EIF4E3: variants seen among roughly 807,000 people sequenced by gnomAD.
EIF4E3 encodes the protein eukaryotic translation initiation factor 4E type 3.
Under a neutral mutation model 31.7 loss-of-function variants are expected in EIF4E3, and 26 were observed. The observed-to-expected ratio is 0.82, with a 90% CI of 0.60 to 1.14. The LOEUF is 1.14. Among genes scored for constraint, EIF4E3 ranks in the 50% most tolerant of loss-of-function variants. EIF4E3 has a pLI of 0.00. For missense variants in EIF4E3, 304 were observed against 270.9 expected (o/e 1.12, Z -0.86); for synonymous variants, 128 against 107.7 (o/e 1.19, Z -1.17).
Position 71,696,537 on chromosome 3 carries a change from C to G in EIF4E3, c.345-17G>C. 6.2e-7 allele frequency: 1 copy of G among 1,613,902 alleles called. No homozygotes were observed. The highest frequency in any genetic ancestry group is 8.5e-7 in the Non-Finnish European group (1 of 1,179,934). ...TCCTCTTCCCTGGGCCAAAGACCAA[C>G]GTTTAAAGTTACACTCAGGACTAAG... On this transcript the variant is annotated splice_polypyrimidine_tract_variant and intron_variant, in intron 3 of 6. Transcript: ENST00000425534.
At chr3:71,671,595 C>G (rs565187065), downstream of EIF4E3, among the ~76,000 whole-genome samples, 21 of 152,186 alleles carry the variant, frequency 1.4e-4, no homozygotes, top group East Asian at 3.5e-3. Flanking sequence ...AGAGATGGGC[C>G]CGTGTGACCC....
the EIF4E3 span, among the ~76,000 whole-genome samples, chr3:71,667,923 C>CA: frequency 6.6e-6 from 1 of 151,990 alleles, no homozygotes; most frequent in Non-Finnish European, 1.5e-5. Context: ...CATATGGAAC[C>CA]AAAAAAGAGC....
At chr3:71,750,765 G>GTTTT (rs200014881) in intron 1 of EIF4E3, among the ~76,000 whole-genome samples, 1 of 123,778 alleles carries the variant, frequency 8.1e-6, no homozygotes, top group Admixed American at 7.9e-5. Context: ...ACAAATAATT[G>GTTTT]GTTTTTTTTT....
At chr3:71,707,705 G>A (rs529886134) in intron 2 of EIF4E3, among the ~76,000 whole-genome samples, 6 of 151,788 alleles carry the variant, frequency 4.0e-5, no homozygotes, top group Non-Finnish European at 5.9e-5. Flanking sequence ...GGACTGCATG[G>A]ACATCTATGC....
rs11403409 is a variant in EIF4E3, at chr3:71,712,852, C to CAAAAAAA, written c.177-2375_177-2369dup. Among the ~76,000 whole-genome samples, 5 of 121,228 alleles carry CAAAAAAA rather than the reference C, an allele frequency of 4.1e-5. 1 individual carries two copies. The highest frequency in any genetic ancestry group is 6.7e-5 in the Non-Finnish European group (4 of 59,884). The allele number at this position is 121,228 out of a possible 152,430, so 79.5% of individuals were successfully genotyped here. A position where few individuals can be genotyped will look rare whatever the true frequency, so the allele number is the denominator to read the frequency against. The stretch of plus-strand genomic sequence containing the variant: ...GAGGATAATACCATTTAACCTAGAC[C>CAAAAAAA]AAAAAAAAAAAAAAAAAAAGCACTG... On this transcript the variant is annotated intron_variant, in intron 1 of 6. Transcript: ENST00000425534.
At chr3:71,715,528 T>G (rs1006248542) in intron 1 of EIF4E3, among the ~76,000 whole-genome samples, 16 of 152,196 alleles carry the variant, frequency 1.1e-4, no homozygotes, top group African/African-American at 3.9e-4. Context: ...GGAACATACA[T>G]GCTGATAATG....
chr3:71,708,802 C>T (rs905168873), intron 2 of EIF4E3, among the ~76,000 whole-genome samples: 19 of 152,184 alleles, frequency 1.2e-4, no homozygotes, highest in South Asian at 2.1e-4. Context: ...ACAGAAGAGA[C>T]GTGCAGGGAG....
Position 71,679,594 on chromosome 3 carries a change from C to T in EIF4E3, c.*5088G>A, listed in dbSNP as rs2048900071. 6.6e-6 allele frequency: 1 copy of T among 152,166 alleles called. No individual in the cohort carries two copies. The highest frequency in any genetic ancestry group is 6.5e-5 in the Admixed American group (1 of 15,274). 9.4% of individuals were successfully genotyped at this position (152,166 alleles called of 1,614,324 possible). On this transcript the variant is annotated 3_prime_UTR_variant, in exon 7 of 7. Coordinates refer to ENST00000425534, the MANE Select transcript of EIF4E3 (RefSeq NM_001134651.2). ...CTCAAGACACACATATACAATGGAA[C>T]TCTGAATTTCAGTAGCAATGATGAA...
intron 1 of EIF4E3, among the ~76,000 whole-genome samples, chr3:71,713,685 C>T (rs926971682): frequency 2.0e-5 from 3 of 152,188 alleles, no homozygotes; most frequent in African/African-American, 7.2e-5. Flanking sequence ...GATCCCACTG[C>T]TTTAGCCTCC....
At chr3:71,730,754 A>G (rs931561391) in intron 1 of EIF4E3, among the ~76,000 whole-genome samples, 1 of 151,794 alleles carries the variant, frequency 6.6e-6, no homozygotes, top group Non-Finnish European at 1.5e-5. Flanking sequence ...TTTTTGAGAC[A>G]GAGTCTTGCT....
At chr3:71,692,679 T>C (rs2049079828) in intron 5 of EIF4E3, among the ~76,000 whole-genome samples, 1 of 151,888 alleles carries the variant, frequency 6.6e-6, no homozygotes, top group Non-Finnish European at 1.5e-5. Flanking sequence ...TTGCAGCCTC[T>C]ATCTCCTGGG....
chr3:71,753,898 C>T, upstream of EIF4E3: 4 of 922,994 alleles, frequency 4.3e-6, no homozygotes, highest in Non-Finnish European at 5.2e-6. Context: ...CTCGGGGAGC[C>T]CAGGAGGGGC....
chr3:71,733,519 A>T (rs1392239209), intron 1 of EIF4E3, among the ~76,000 whole-genome samples: 1 of 152,234 alleles, frequency 6.6e-6, no homozygotes, highest in Non-Finnish European at 1.5e-5. Flanking sequence ...TGATACAGAA[A>T]ATATAAGCTG....
intron 2 of EIF4E3, among the ~76,000 whole-genome samples, chr3:71,706,492 A>G (rs932729006): frequency 6.6e-6 from 1 of 152,134 alleles, no homozygotes; most frequent in African/African-American, 2.4e-5. Flanking sequence ...TTGGAGAAGC[A>G]GTTTTTTTTA....
chr3:71,668,067 T>C, the EIF4E3 span, among the ~76,000 whole-genome samples: 3 of 152,060 alleles, frequency 2.0e-5, no homozygotes, highest in Non-Finnish European at 4.4e-5. Flanking sequence ...TATAGACCAA[T>C]GGAACAGAAC....
chr3:71,687,265 G>A (rs949983181), intron 6 of EIF4E3, among the ~76,000 whole-genome samples: 3 of 152,130 alleles, frequency 2.0e-5, no homozygotes, highest in African/African-American at 7.2e-5. Flanking sequence ...GCCTCCCAAA[G>A]TGCTGGGATT....
chr3:71,688,056 G>GT (rs2049016816), intron 6 of EIF4E3, among the ~76,000 whole-genome samples: 1 of 152,064 alleles, frequency 6.6e-6, no homozygotes, highest in Non-Finnish European at 1.5e-5. Flanking sequence ...CAATCTTTGA[G>GT]TTTTTAAATG....
chr3:71,675,013 C>T (rs1461845447), downstream of EIF4E3, among the ~76,000 whole-genome samples: 3 of 152,160 alleles, frequency 2.0e-5, no homozygotes, highest in South Asian at 2.1e-4. Context: ...TTGGGCATCC[C>T]GGACAAGTTC....
intron 1 of EIF4E3, among the ~76,000 whole-genome samples, chr3:71,716,588 C>T (rs755403561): frequency 5.9e-5 from 9 of 152,150 alleles, no homozygotes; most frequent in Non-Finnish European, 1.2e-4. Context: ...TTGAAAAGAC[C>T]ACATATCATG....
Sources: allele counts gnomAD v4.1 joint callset (sites outside exome capture counted in the v4.1 genomes callset), GRCh38; gene constraint gnomAD v4.1.1; transcripts MANE v1.5; gene names NCBI Gene and HGNC (gene_info 2026-07-23, HGNC 2026-07-21).